Variants in CSGALNACT1 observed in about 807,000 individuals in gnomAD.
CSGALNACT1 encodes beta4GalNAcT-1.
Under a neutral mutation model 51.0 loss-of-function variants are expected in CSGALNACT1, and 52 were observed. That is an observed-to-expected ratio of 1.02 (90% CI 0.82 to 1.29). The LOEUF (loss-of-function observed/expected upper bound fraction) is 1.29, where lower values mean the gene tolerates loss of function less well. CSGALNACT1 is among the 50% of genes most tolerant of loss of function. The pLI is 0.00. For missense variants in CSGALNACT1, 935 were observed against 679.2 expected (o/e 1.38, Z -4.19); for synonymous variants, 341 against 254.4 (o/e 1.34, Z -3.24).
chr8:19,420,304 G>A (rs779349723), intron 7 of CSGALNACT1, 36 bp downstream of exon 6: 2 of 1,607,612 alleles, frequency 1.2e-6, no homozygotes, highest in South Asian at 2.2e-5. Context: ...GAGAGGGCTG[G>A]GGGCCACCTG....
intron 4 of CSGALNACT1, among the ~76,000 whole-genome samples, chr8:19,462,261 A>C (rs529717887): frequency 1.3e-5 from 2 of 152,354 alleles, no homozygotes; most frequent in East Asian, 1.9e-4. Flanking sequence ...TGTCAGTAGC[A>C]TAACTTCTCC....
At chr8:19,405,524 A>T in exon 10 of CSGALNACT1, 1 of 635,496 alleles carries the variant, frequency 1.6e-6, no homozygotes, top group Non-Finnish European at 2.9e-6. Flanking sequence ...CCACACCATT[A>T]GGCTTATAAT....
rs565318079 is a variant in CSGALNACT1, at chr8:19,657,563, C to T, written c.-544+24910G>A. ...TGGATTATCTTTAAAGGAACAACAG[C>T]CCCATTTCTCAAGAGCCACAATGGA... On this transcript the variant is annotated intron_variant, in intron 1 of 9. Transcript: ENST00000332246. Among the ~76,000 whole-genome samples the T allele has an allele frequency of 2.6e-5, 4 of 152,264 alleles. No individual in the cohort carries two copies. In the South Asian group the frequency reaches 8.3e-4, roughly 32 times the overall value.
At chr8:19,736,284 C>A (rs1332373646) in intron 1 of CSGALNACT1, among the ~76,000 whole-genome samples, 1 of 152,154 alleles carries the variant, frequency 6.6e-6, no homozygotes, top group Non-Finnish European at 1.5e-5. Flanking sequence ...TAGTCTATGG[C>A]TGCTTTTTTC....
chr8:19,585,471 A>T (rs2046419310), intron 3 of CSGALNACT1, among the ~76,000 whole-genome samples: 1 of 152,220 alleles, frequency 6.6e-6, no homozygotes, highest in Non-Finnish European at 1.5e-5. Context: ...AAGTGATGAG[A>T]CAATCTCCAC....
chr8:19,610,087 T>A (rs1055335809), intron 1 of CSGALNACT1, among the ~76,000 whole-genome samples: 1 of 151,256 alleles, frequency 6.6e-6, no homozygotes, highest in Non-Finnish European at 1.5e-5. Flanking sequence ...CCGGGCGTGG[T>A]TGAGGGTGCC....
At chr8:19,684,222 G>A (rs1261953354), upstream of CSGALNACT1, among the ~76,000 whole-genome samples, 2 of 151,974 alleles carry the variant, frequency 1.3e-5, no homozygotes, top group Non-Finnish European at 2.9e-5. Context: ...CAACAGACAG[G>A]CAGATCAATG....
chr8:19,491,533 T>C (rs1305057624), intron 4 of CSGALNACT1, among the ~76,000 whole-genome samples: 1 of 152,258 alleles, frequency 6.6e-6, no homozygotes, highest in East Asian at 1.9e-4. Flanking sequence ...TATAAAATTG[T>C]GAAAATTCGT....
At chr8:19,540,685 C>T (rs991529086) in intron 3 of CSGALNACT1, among the ~76,000 whole-genome samples, 3 of 152,218 alleles carry the variant, frequency 2.0e-5, no homozygotes, top group African/African-American at 4.8e-5. Context: ...TTCTACGCTT[C>T]AGCCACAGTG....
At chr8:19,680,773 A>G (rs1400439866) in intron 1 of CSGALNACT1, among the ~76,000 whole-genome samples, 1 of 152,158 alleles carries the variant, frequency 6.6e-6, no homozygotes, top group Non-Finnish European at 1.5e-5. Flanking sequence ...ATGTACTCAC[A>G]CAAACCTACA....
At chr8:19,735,382 C>A (rs1328262227) in intron 1 of CSGALNACT1, among the ~76,000 whole-genome samples, 1 of 152,082 alleles carries the variant, frequency 6.6e-6, no homozygotes, top group Non-Finnish European at 1.5e-5. Context: ...CCTCTCTGAA[C>A]AAATACACTT....
chr8:19,752,545 G>C (rs1254704726), intron 1 of CSGALNACT1, among the ~76,000 whole-genome samples: 1 of 152,150 alleles, frequency 6.6e-6, no homozygotes, highest in Non-Finnish European at 1.5e-5. Flanking sequence ...CACCATTTTA[G>C]TAATTTTATT....
chr8:19,721,182 T>G (rs879681780), intron 1 of CSGALNACT1, among the ~76,000 whole-genome samples: 1 of 152,158 alleles, frequency 6.6e-6, no homozygotes, highest in Admixed American at 6.5e-5. Context: ...ATCTGCCAGA[T>G]TTTTCTCTTG....
At chr8:19,674,335 A>C (rs929148163) in intron 1 of CSGALNACT1, among the ~76,000 whole-genome samples, 72 of 152,236 alleles carry the variant, frequency 4.7e-4, no homozygotes, top group African/African-American at 1.5e-3. Flanking sequence ...TGCAGTGAAT[A>C]ATGCACAATA....
Position 19,570,007 on chromosome 8 carries a change from G to A in CSGALNACT1, c.-297+21153C>T, listed in dbSNP as rs141150943. 7.5e-4 allele frequency among the ~76,000 whole-genome samples: 114 copies of A among 152,214 alleles called. No homozygotes were observed. The Middle Eastern group carries it at 0.017, about 23-fold the overall frequency. On this transcript the variant is annotated intron_variant, in intron 3 of 9. Transcript: ENST00000454498. ...TCAAGAGCAGGCAAAAGTAATCCAAGATGTCTGATTAGATTAGAGGTCCAA... is the reference window on the plus strand; with the variant it reads ...TCAAGAGCAGGCAAAAGTAATCCAAAATGTCTGATTAGATTAGAGGTCCAA...
At chr8:19,405,746 G>T (rs1170994679) in exon 10 of CSGALNACT1, 1 of 1,613,616 alleles carries the variant, frequency 6.2e-7, no homozygotes, top group Non-Finnish European at 8.5e-7. Flanking sequence ...CAAAAGGAAA[G>T]AAAAAGTGTC....
intron 3 of CSGALNACT1, among the ~76,000 whole-genome samples, chr8:19,548,443 T>C (rs2087019241): frequency 6.6e-6 from 1 of 152,202 alleles, no homozygotes; most frequent in African/African-American, 2.4e-5. Context: ...CTCACTGCTG[T>C]TTTTCTCAAG....
chr8:19,501,660 G>C (rs2076444671), intron 4 of CSGALNACT1, among the ~76,000 whole-genome samples: 1 of 152,228 alleles, frequency 6.6e-6, no homozygotes. Context: ...TGTTTGGATT[G>C]TGAAAGAGAG....
chr8:19,595,288 C>G (rs780947353), intron 2 of CSGALNACT1, among the ~76,000 whole-genome samples: 1 of 152,170 alleles, frequency 6.6e-6, no homozygotes, highest in Non-Finnish European at 1.5e-5. Flanking sequence ...GAACAACATG[C>G]TATTTTTCTC....
Sources: allele counts gnomAD v4.1 joint callset (sites outside exome capture counted in the v4.1 genomes callset), GRCh38; gene constraint gnomAD v4.1.1; transcripts MANE v1.5; gene names NCBI Gene and HGNC (gene_info 2026-07-23, HGNC 2026-07-21).